The following ZNF334 variants were observed in gnomAD, a reference collection of about 807,000 sequenced individuals.
The protein encoded by ZNF334 is zinc finger protein 334.
Under a neutral mutation model 12.4 loss-of-function variants are expected in ZNF334, and 14 were observed. That is an observed-to-expected ratio of 1.13 (90% CI 0.74 to 1.76). The LOEUF (loss-of-function observed/expected upper bound fraction) is 1.76. Ranked by LOEUF, ZNF334 falls within the 40% of genes most tolerant of loss-of-function variation. The probability of loss-of-function intolerance (pLI) is 0.00; values close to 1 mark genes in which losing one functional copy is unlikely to be tolerated. For missense variants in ZNF334, 797 were observed against 804.5 expected (o/e 0.99, Z 0.11); for synonymous variants, 273 against 269.6 (o/e 1.01, Z -0.12).
chr20:46,507,769 C>T (rs1256204573), intron 2 of ZNF334, among the ~76,000 whole-genome samples: 1 of 152,140 alleles, frequency 6.6e-6, no homozygotes, highest in East Asian at 1.9e-4. Context: ...TTTAATGAGG[C>T]CTTTCCCGCT....
In ZNF334 at chr20:46,504,296, A is replaced by G. The variant is rs1348661042; in HGVS notation, c.159T>C (p.Val53=). The G allele has an allele frequency of 1.9e-6, 3 of 1,613,676 alleles. No homozygotes were observed. Among genetic ancestry groups the G allele is most frequent in the Admixed American group, 3.3e-5 (2 of 59,992 alleles). ...YSNLVSVGYH[V]SKPDVIFKLE... The stretch of plus-strand genomic sequence containing the variant: ...ATTTGAAAATCACATCTGGTTTGCT[A>G]ACATGATACCCTGTTAATGGGAAAT... Residue 53 remains valine, a synonymous_variant, in exon 4 of 5, where the codon GTT becomes GTC. Transcript: ENST00000692313.
chr20:46,485,019 A>G, the ZNF334 span: 1 of 167,346 alleles, frequency 6.0e-6, no homozygotes. Flanking sequence ...CTTATAAGGC[A>G]CACGTGATGT....
the ZNF334 span, among the ~76,000 whole-genome samples, chr20:46,466,053 T>C: frequency 1.3e-5 from 2 of 152,160 alleles, no homozygotes; most frequent in Admixed American, 6.5e-5. Context: ...AGGAAGATTA[T>C]CCGTCTAGCA....
the ZNF334 span, among the ~76,000 whole-genome samples, chr20:46,480,405 C>T: frequency 2.0e-5 from 3 of 152,104 alleles, no homozygotes; most frequent in Non-Finnish European, 4.4e-5. Flanking sequence ...TACGCCGTCC[C>T]GCTGCTGAAA....
rs2061300146 is a variant in ZNF334, at chr20:46,502,990, C to A, written c.349G>T (p.Gly117Trp). The change falls in exon 5 of 5, where the codon GGG (glycine) becomes TGG (tryptophan). Residue 117 changes from glycine to tryptophan, a missense_variant. Physicochemically the swap from Gly to Trp is radical, Grantham distance 184. Transcript: ENST00000692313. ...TTCATGCCCAGATTAAGTGTTTTCC[C>A]AAATACATTCTCTCTTTCTGTAATC... ...TLITERENVF[G>W]KTLNLGMNSV... 2 of 1,613,968 alleles carry A rather than the reference C, an allele frequency of 1.2e-6. No homozygotes were observed. Among genetic ancestry groups the A allele is most frequent in the East Asian group, 2.2e-5 (1 of 44,828 alleles).
chr20:46,481,354 A>G, the ZNF334 span: 1 of 152,238 alleles, frequency 6.6e-6, no homozygotes, highest in Non-Finnish European at 1.5e-5. Flanking sequence ...TTTAGTATTC[A>G]TTCAACAAAC....
chr20:46,479,352 C>T, the ZNF334 span, among the ~76,000 whole-genome samples: 13 of 152,196 alleles, frequency 8.5e-5, no homozygotes, highest in East Asian at 2.3e-3. Context: ...AATCCCAGGC[C>T]CCCCAACAGA....
At chr20:46,486,296 C>T in the ZNF334 span, among the ~76,000 whole-genome samples, 1 of 152,140 alleles carries the variant, frequency 6.6e-6, no homozygotes, top group African/African-American at 2.4e-5. Flanking sequence ...TGCCTGTAGT[C>T]CCAGCTACTT....
chr20:46,475,221 C>T, the ZNF334 span, among the ~76,000 whole-genome samples: 12 of 152,188 alleles, frequency 7.9e-5, no homozygotes, highest in South Asian at 1.5e-3. Flanking sequence ...AAAAACTAAC[C>T]TTTTCAGCAA....
the ZNF334 span, among the ~76,000 whole-genome samples, chr20:46,480,717 T>C: frequency 6.6e-6 from 1 of 152,284 alleles, no homozygotes; most frequent in African/African-American, 2.4e-5. Context: ...ATGAGAAGGT[T>C]CTGGGTGTGA....
chr20:46,491,289 A>G, the ZNF334 span: 5 of 152,798 alleles, frequency 3.3e-5, no homozygotes, highest in Non-Finnish European at 5.9e-5. Flanking sequence ...CTGACTCGGC[A>G]TCAAAAAACT....
the ZNF334 span, chr20:46,492,200 C>T: frequency 6.6e-6 from 1 of 152,582 alleles, no homozygotes; most frequent in African/African-American, 2.4e-5. Flanking sequence ...CCAACAAATC[C>T]ATACTGGAAG....
At chr20:46,504,883 T>G (rs1271984009) in intron 2 of ZNF334, 143 bp from the exon 3 acceptor site, 5 of 632,008 alleles carry the variant, frequency 7.9e-6, no homozygotes, top group Non-Finnish European at 1.0e-5. Context: ...ATTAAAAATC[T>G]GTCACTGTGT....
At chr20:46,470,677 G>A in the ZNF334 span, among the ~76,000 whole-genome samples, 1 of 152,206 alleles carries the variant, frequency 6.6e-6, no homozygotes, top group Non-Finnish European at 1.5e-5. Context: ...TTACGCATCT[G>A]TAAACACTCT....
the ZNF334 span, among the ~76,000 whole-genome samples, chr20:46,493,458 T>C: frequency 6.6e-6 from 1 of 152,052 alleles, no homozygotes; most frequent in Non-Finnish European, 1.5e-5. Context: ...AATCCAAAGG[T>C]CTTGGGTCTG....
downstream of ZNF334, among the ~76,000 whole-genome samples, chr20:46,495,763 T>C (rs2061011601): frequency 6.6e-6 from 1 of 151,970 alleles, no homozygotes; most frequent in Non-Finnish European, 1.5e-5. Context: ...GCAAACCCTC[T>C]GGGAGTTGGA....
At chr20:46,487,426 T>C in the ZNF334 span, among the ~76,000 whole-genome samples, 2 of 152,240 alleles carry the variant, frequency 1.3e-5, no homozygotes, top group Non-Finnish European at 2.9e-5. Flanking sequence ...CTGAAATTTC[T>C]TTTATTCCAT....
At chr20:46,495,133 T>C (rs1287682111), downstream of ZNF334, among the ~76,000 whole-genome samples, 1 of 152,168 alleles carries the variant, frequency 6.6e-6, no homozygotes, top group Non-Finnish European at 1.5e-5. Context: ...AGGCTCAAAA[T>C]ATCATCTGCA....
chr20:46,501,283 A>G lies in ZNF334; in HGVS notation c.*13T>C. The G allele has an allele frequency of 6.3e-7, 1 of 1,598,778 alleles. No homozygotes were observed. Among genetic ancestry groups the G allele is most frequent in the African/African-American group, 1.3e-5 (1 of 74,246 alleles). On this transcript the variant is annotated 3_prime_UTR_variant, in exon 5 of 5. Coordinates refer to ENST00000692313, the MANE Select transcript of ZNF334 (RefSeq NM_001353824.2). ...ATTTGTTGCTTTGTTGGAATTTATT[A>G]CTTTGTTGGAACTTATTCCTTGTGG...
Sources: gnomAD v4.1 joint callset for allele counts (sites outside exome capture counted in the v4.1 genomes callset) on GRCh38, gnomAD v4.1.1 for gene constraint, MANE v1.5 for transcripts, NCBI Gene and HGNC (gene_info 2026-07-23, HGNC 2026-07-21) for gene names.